Variants in DDI2 observed in about 807,000 individuals in gnomAD.
The protein encoded by DDI2 is protein DDI1 homolog 2.
DDI2 carries 5 observed loss-of-function variants against 48.1 expected under a neutral mutation model. That is an observed-to-expected ratio of 0.10 (90% CI 0.05 to 0.22). The LOEUF is 0.22. Ranked by LOEUF, DDI2 falls within the 10% of genes least tolerant of loss-of-function variation. DDI2 has a pLI of 1.00. For missense variants in DDI2, 285 were observed against 506.2 expected (o/e 0.56, Z 4.19); for synonymous variants, 205 against 183.6 (o/e 1.12, Z -0.94).
chr1:15,643,733 C>A, intron 6 of DDI2, 83 bp downstream of exon 6: 1 of 1,527,204 alleles, frequency 6.5e-7, no homozygotes, highest in Non-Finnish European at 8.8e-7. Context: ...TTTAGAGGGT[C>A]TTTTGTTGTT....
chr1:15,652,007 A>T (rs957309085), intron 8 of DDI2, 112 bp downstream of exon 8: 2 of 1,015,156 alleles, frequency 2.0e-6, no homozygotes, highest in Non-Finnish European at 2.7e-6. Flanking sequence ...CTCATGGTCC[A>T]GTAGTAGATG....
At chr1:15,633,947 T>G (rs573981781) in intron 4 of DDI2, 68 of 399,036 alleles carry the variant, frequency 1.7e-4, no homozygotes, top group African/African-American at 1.3e-3. Flanking sequence ...ACATATTGTA[T>G]AAGTCCTGAT....
In DDI2 at chr1:15,650,103, G is replaced by GC. The variant is rs1444023599; in HGVS notation, c.993+280_993+281insC. ...TCCCTTGTATAATTTTCAGATTCTG[G>GC]TTAGATCCTGATTAGTAGTTTTTTG... On this transcript the variant is annotated intron_variant, in intron 7 of 9. Coordinates refer to ENST00000480945, the MANE Select transcript of DDI2 (RefSeq NM_032341.5). Among the ~76,000 whole-genome samples the GC allele has an allele frequency of 3.9e-5, 6 of 152,220 alleles. No individual in the cohort carries two copies. In the East Asian group the frequency reaches 9.7e-4, roughly 25 times the overall value.
At chr1:15,656,145 G>GTA (rs564474804) in intron 8 of DDI2, among the ~76,000 whole-genome samples, 142 of 152,250 alleles carry the variant, frequency 9.3e-4, no homozygotes, top group African/African-American at 3.2e-3. Context: ...TCAGCTTGAT[G>GTA]TATTATTTAA....
chr1:15,648,543 AG>A (rs1429369062), intron 6 of DDI2, among the ~76,000 whole-genome samples: 3 of 152,250 alleles, frequency 2.0e-5, no homozygotes, highest in Non-Finnish European at 4.4e-5. Context: ...AAAATACTCT[AG>A]AAAAACATTG....
rs147363110 is a variant in DDI2, at chr1:15,666,516, ATGT to A, written c.*6730_*6732del. The A allele has an allele frequency of 9.2e-5, 14 of 152,330 alleles. No individual in the cohort carries two copies. The East Asian group carries it at 2.1e-3, about 23-fold the overall frequency. The allele number at this position is 152,330 out of a possible 1,614,324, so 9.4% of individuals were successfully genotyped here. On this transcript the variant is annotated 3_prime_UTR_variant, in exon 10 of 10. Coordinates refer to ENST00000480945, the MANE Select transcript of DDI2 (RefSeq NM_032341.5). Reference sequence around the variant, plus strand: ...GTTTATGTTCTTTGTTTTACTATCAATGTTGTGCTGGTTAAGGGAGAGAAAAGT... The same window carrying A: ...GTTTATGTTCTTTGTTTTACTATCAATGTGCTGGTTAAGGGAGAGAAAAGT...
Position 15,617,766 on chromosome 1 carries a change from G to A in DDI2, c.96G>A (p.Ala32=). 1 of 1,608,700 alleles carries A rather than the reference G, an allele frequency of 6.2e-7. No individual in the cohort carries two copies. Residue 32 remains alanine (A), a synonymous_variant, in exon 1 of 10, where the codon GCG becomes GCA. Transcript: ENST00000480945. ...ACTTCGAGCTGCACAACTTCCGCGC[G>A]CTGTGCGAGCTCGAGTCTGGCATCC... ...DADFELHNFR[A]LCELESGIPA...
At chr1:15,642,026 C>T (rs1026512808) in intron 5 of DDI2, among the ~76,000 whole-genome samples, 2 of 148,668 alleles carry the variant, frequency 1.3e-5, no homozygotes, top group Non-Finnish European at 3.0e-5. Flanking sequence ...ACCTTATTTA[C>T]AGGTTTGAGA....
chr1:15,653,954 G>C (rs1025828306), intron 8 of DDI2, among the ~76,000 whole-genome samples: 3 of 152,174 alleles, frequency 2.0e-5, no homozygotes, highest in African/African-American at 7.2e-5. Flanking sequence ...ATGGAGCTAA[G>C]TTTTCTAGGT....
At chr1:15,649,652 CAA>C in intron 6 of DDI2, 66 bp from the exon 7 acceptor site, 2 of 1,512,118 alleles carry the variant, frequency 1.3e-6, no homozygotes, top group South Asian at 1.2e-5. Context: ...GCCTGGGCAA[CAA>C]GAGCGAAACT....
chr1:15,636,872 C>T (rs751625748), intron 4 of DDI2, among the ~76,000 whole-genome samples: 11 of 152,230 alleles, frequency 7.2e-5, no homozygotes, highest in Non-Finnish European at 1.6e-4. Flanking sequence ...CAGCCATAGA[C>T]AATAGGACAA....
At chr1:15,617,952 A>G in intron 1 of DDI2, 144 bp downstream of exon 1, 1 of 1,286,490 alleles carries the variant, frequency 7.8e-7, no homozygotes, top group Non-Finnish European at 1.0e-6. Context: ...GCATCCGGAA[A>G]GGAGCTGGGG....
chr1:15,618,116 C>T (rs534706917), intron 1 of DDI2, among the ~76,000 whole-genome samples: 1 of 152,324 alleles, frequency 6.6e-6, no homozygotes, highest in East Asian at 1.9e-4. Context: ...GGCTCTTTGG[C>T]CCTTCCCTGT....
In DDI2 at chr1:15,666,811, T is replaced by G. The variant is rs540339875; in HGVS notation, c.*7021T>G. On this transcript the variant is annotated 3_prime_UTR_variant, in exon 10 of 10. Coordinates refer to ENST00000480945, the MANE Select transcript of DDI2 (RefSeq NM_032341.5). ...ATTTTTGCCTGTTAGCATGCATTTA[T>G]TTTAAAAGTCATATTAGAGTTACCT... is the stretch of plus-strand genomic sequence containing the variant. 1 of 152,360 alleles carries G rather than the reference T, an allele frequency of 6.6e-6. No individual in the cohort carries two copies. The highest frequency in any genetic ancestry group is 2.1e-4 in the South Asian group (1 of 4,830). 9.4% of individuals were successfully genotyped at this position (152,360 alleles called of 1,614,324 possible).
Position 15,659,855 on chromosome 1 carries a change from C to G in DDI2, c.*65C>G, listed in dbSNP as rs750159117. On this transcript the variant is annotated 3_prime_UTR_variant, in exon 10 of 10. Transcript: ENST00000480945. ...CATATAGAGAAAAGTGGTAAAGAAT[C>G]TACCTCACTGGGAATGTCATCATTA... 1.3e-5 allele frequency: 20 copies of G among 1,546,520 alleles called. No individual in the cohort carries two copies. Among genetic ancestry groups the G allele is most frequent in the Non-Finnish European group, 1.6e-5 (19 of 1,151,790 alleles).
intron 6 of DDI2, among the ~76,000 whole-genome samples, chr1:15,646,490 C>T (rs1336097073): frequency 6.6e-6 from 1 of 152,168 alleles, no homozygotes; most frequent in Non-Finnish European, 1.5e-5. Flanking sequence ...AGTTCGAGAC[C>T]AGCCTGGCCA....
chr1:15,666,496 T>C lies in DDI2; in HGVS notation c.*6706T>C, dbSNP rs1182981775. On this transcript the variant is annotated 3_prime_UTR_variant, in exon 10 of 10. Coordinates refer to ENST00000480945, the MANE Select transcript of DDI2 (RefSeq NM_032341.5). ...ACCAAAAACAGTTTTTAGATGTTTA[T>C]GTTCTTTGTTTTACTATCAATGTTG... 1.3e-5 allele frequency: 2 copies of C among 152,244 alleles called. No individual in the cohort carries two copies. Among genetic ancestry groups the C allele is most frequent in the African/African-American group, 4.8e-5 (2 of 41,458 alleles). 9.4% of individuals were successfully genotyped at this position (152,244 alleles called of 1,614,324 possible).
chr1:15,633,975 C>T (rs1451744374), intron 4 of DDI2: 2 of 363,112 alleles, frequency 5.5e-6, no homozygotes, highest in East Asian at 1.5e-4. Context: ...AGGGCTTAAA[C>T]ATGATTGGAT....
At chr1:15,623,358 TAGAC>T (rs2103460871) in intron 1 of DDI2, among the ~76,000 whole-genome samples, 1 of 151,526 alleles carries the variant, frequency 6.6e-6, no homozygotes, top group East Asian at 1.9e-4. Flanking sequence ...GCTTTGAAAT[TAGAC>T]AGTTCCAATT....
Sources: allele counts gnomAD v4.1 joint callset (sites outside exome capture counted in the v4.1 genomes callset), GRCh38; gene constraint gnomAD v4.1.1; transcripts MANE v1.5; gene names NCBI Gene and HGNC (gene_info 2026-07-23, HGNC 2026-07-21).